The following SLC9C2 variants were observed in gnomAD, a reference collection of about 807,000 sequenced individuals.
The protein encoded by SLC9C2 is sodium/hydrogen exchanger 11.
SLC9C2 carries 75 observed loss-of-function variants against 140.2 expected under a neutral mutation model. That is an observed-to-expected ratio of 0.53 (90% CI 0.44 to 0.65). The LOEUF (loss-of-function observed/expected upper bound fraction) is 0.65. Ranked by LOEUF, SLC9C2 falls within the 30% of genes least tolerant of loss-of-function variation. The pLI is 0.00. For synonymous variants in SLC9C2, 375 were observed against 420.9 expected (o/e 0.89, Z 1.34); for missense variants, 1,074 against 1,331.8 (o/e 0.81, Z 3.01).
rs536983712 is a variant in SLC9C2 at position 173,530,073 on chromosome 1, G to GA, written c.2164-20dup. On this transcript the variant is annotated intron_variant, in intron 17 of 27. Coordinates refer to ENST00000367714, the MANE Select transcript of SLC9C2 (RefSeq NM_178527.4). ...CTATTATCTGGAATAATGAGAAGAA[G>GA]AAAAAAAAACCTGTACATTTGATGA... 975 of 1,540,368 alleles carry GA rather than the reference G, an allele frequency of 6.3e-4. 1 individual carries two copies. Among genetic ancestry groups the GA allele is most frequent in the Admixed American group, 2.9e-3 (131 of 45,100 alleles).
intron 4 of SLC9C2, among the ~76,000 whole-genome samples, chr1:173,591,742 T>A (rs1406390194): frequency 3.9e-5 from 6 of 152,218 alleles, no homozygotes; most frequent in African/African-American, 1.4e-4. Flanking sequence ...TAAATTTGTC[T>A]AAATTCCTTA....
intron 11 of SLC9C2, among the ~76,000 whole-genome samples, chr1:173,548,933 G>A (rs1457694341): frequency 1.3e-5 from 2 of 152,090 alleles, no homozygotes; most frequent in Non-Finnish European, 2.9e-5. Flanking sequence ...AATCAGATTG[G>A]CTTGAAAATT....
At chr1:173,530,973 A>G (rs1661535612) in intron 17 of SLC9C2, among the ~76,000 whole-genome samples, 1 of 152,190 alleles carries the variant, frequency 6.6e-6, no homozygotes, top group African/African-American at 2.4e-5. Flanking sequence ...GGATTTTTTC[A>G]AAGTTACACT....
In SLC9C2 at chr1:173,526,669, C is replaced by T; in HGVS notation, c.2359G>A (p.Glu787Lys). The T allele has an allele frequency of 1.9e-6, 3 of 1,594,194 alleles. No homozygotes were observed. The highest frequency in any genetic ancestry group is 2.6e-6 in the Non-Finnish European group (3 of 1,174,894). The change falls in exon 19 of 28, where the codon GAA (glutamate) becomes AAA (lysine). Residue 787 changes from glutamate (E) to lysine (K), a missense_variant. By Grantham distance (56) the Glu-to-Lys change is moderately conservative (BLOSUM62 1). Transcript: ENST00000367714. ...AGATACTTCAACTACCTACCTAATT[C>T]TTTGACAGCATCCTGTTTGTTGGTT... ...LETNKQDAVK[E>K]LVLMEHEGRD...
At chr1:173,576,586 A>T in intron 8 of SLC9C2, 75 bp downstream of exon 8, 1 of 814,880 alleles carries the variant, frequency 1.2e-6, no homozygotes, top group Non-Finnish European at 2.0e-6. Context: ...GAGTTTTACT[A>T]GTGTCCATGA....
rs372051858 is a variant in SLC9C2, at chr1:173,506,880, G to A, written c.3201C>T (p.Cys1067=). Residue 1067 remains cysteine, a synonymous_variant, in exon 25 of 28, where the codon TGC becomes TGT. Transcript: ENST00000367714. ...CCTGCTCACAGGTTGTAGGTATAAT[G>A]CAAGGTGCAAAATATGGTTCCTCTG... ...TKTEEPYFAP[C]IIPTTCEQVQ... 163 of 1,613,278 alleles carry A rather than the reference G, an allele frequency of 1.0e-4. No individual in the cohort carries two copies. The highest frequency in any genetic ancestry group is 6.6e-4 in the Middle Eastern group (4 of 6,082).
At chr1:173,520,633 G>A (rs774237716) in intron 22 of SLC9C2, among the ~76,000 whole-genome samples, 1 of 152,180 alleles carries the variant, frequency 6.6e-6, no homozygotes, top group Non-Finnish European at 1.5e-5. Flanking sequence ...GCTTAGAATA[G>A]TGCCAGATAG....
intron 8 of SLC9C2, among the ~76,000 whole-genome samples, chr1:173,575,012 T>G (rs895267534): frequency 2.0e-5 from 3 of 151,926 alleles, no homozygotes; most frequent in Non-Finnish European, 4.4e-5. Context: ...CCCAGCTACT[T>G]GAGAGGCTGA....
chr1:173,575,549 A>T (rs1227181753), intron 8 of SLC9C2, among the ~76,000 whole-genome samples: 1 of 152,022 alleles, frequency 6.6e-6, no homozygotes, highest in Non-Finnish European at 1.5e-5. Context: ...TTAGGTGCCC[A>T]TGTTTTTTGT....
At position 173,567,125 on chromosome 1, in the gene SLC9C2, G is replaced by T. The variant is rs192015271; in HGVS notation, c.1046+6057C>A. 9.9e-5 allele frequency among the ~76,000 whole-genome samples: 15 copies of T among 152,180 alleles called. No individual in the cohort carries two copies. The East Asian group carries it at 2.9e-3, about 29-fold the overall frequency. ...TTCAGAATGATCCATGTGCTGAGGA[G>T]AAAAATGTGTATTCTGCAGCTCTTG... On this transcript the variant is annotated intron_variant, in intron 9 of 27. Transcript: ENST00000367714.
chr1:173,522,072 C>CA (rs1243589144), intron 21 of SLC9C2, among the ~76,000 whole-genome samples: 1 of 151,820 alleles, frequency 6.6e-6, no homozygotes, highest in African/African-American at 2.4e-5. Flanking sequence ...ACTAACAATA[C>CA]AAAAAATTAG....
At chr1:173,522,729 C>T (rs192020087) in intron 21 of SLC9C2, among the ~76,000 whole-genome samples, 66 of 152,270 alleles carry the variant, frequency 4.3e-4, no homozygotes, top group Non-Finnish European at 2.8e-4. Flanking sequence ...GTTCTTCGGG[C>T]CCTCTGCAAC....
chr1:173,505,413 T>A, intron 25 of SLC9C2, 82 bp from the exon 26 acceptor site: 1 of 1,090,270 alleles, frequency 9.2e-7, no homozygotes, highest in Non-Finnish European at 1.4e-6. Context: ...CCAAAGAGTA[T>A]AAAAAATAAG....
chr1:173,528,648 A>G (rs1375534614), intron 18 of SLC9C2, among the ~76,000 whole-genome samples: 1 of 152,190 alleles, frequency 6.6e-6, no homozygotes, highest in Non-Finnish European at 1.5e-5. Flanking sequence ...GACTGAGGTA[A>G]CGTAACCGTC....
Position 173,534,679 on chromosome 1 carries a change from A to T in SLC9C2, c.1779T>A (p.Ser593Arg). Residue 593 changes from serine (S) to arginine (R), a missense_variant, in exon 16 of 28, where the codon AGT (serine) becomes AGA (arginine). Coordinates refer to ENST00000367714, the MANE Select transcript of SLC9C2 (RefSeq NM_178527.4). The part of the protein sequence containing the change: ...IEKIHFIPPE[S>R]NTFLTFIFHI... ...GAAATATAAAAGTCAGAAATGTATT[A>T]CTCCTGAAAAGAGATCAAATAAAAT... The T allele has an allele frequency of 6.7e-7, 1 of 1,487,868 alleles. No individual in the cohort carries two copies. The allele number at this position is 1,487,868 out of a possible 1,614,324, so 92.2% of individuals were successfully genotyped here.
intron 5 of SLC9C2, among the ~76,000 whole-genome samples, chr1:173,584,942 T>G (rs565106674): frequency 1.3e-5 from 2 of 152,160 alleles, no homozygotes; most frequent in Non-Finnish European, 2.9e-5. Flanking sequence ...TAATTTATAT[T>G]AGTCCACAAT....
chr1:173,503,808 A>ATTTGT (rs2101881144), intron 26 of SLC9C2, among the ~76,000 whole-genome samples: 1 of 152,342 alleles, frequency 6.6e-6, no homozygotes, highest in East Asian at 1.9e-4. Flanking sequence ...TCTTAAACAA[A>ATTTGT]TTAAGAGTCA....
chr1:173,592,645 G>T (rs180759650), intron 4 of SLC9C2, among the ~76,000 whole-genome samples: 38 of 152,196 alleles, frequency 2.5e-4, no homozygotes, highest in Admixed American at 2.1e-3. Flanking sequence ...TTCCTAATTT[G>T]GCTCTCAGCT....
chr1:173,524,873 G>A lies in SLC9C2; in HGVS notation c.2420C>T (p.Ala807Val). 1 of 1,614,074 alleles carries A rather than the reference G, an allele frequency of 6.2e-7. No individual in the cohort carries two copies. Among genetic ancestry groups the A allele is most frequent in the Non-Finnish European group, 8.5e-7 (1 of 1,179,960 alleles). The change falls in exon 20 of 28, where the codon GCA (alanine) becomes GTA (valine). Residue 807 changes from alanine (A) to valine (V), a missense_variant. Coordinates refer to ENST00000367714, the MANE Select transcript of SLC9C2 (RefSeq NM_178527.4). ...DVVIALKTKQ[A>V]IRNVIAKALK... Reference sequence around the variant, plus strand: ...AGCTTTAGCAATCACATTCCGGATTGCCTGTTTAGTCTTCAAAGCAATGAC... The same window carrying A: ...AGCTTTAGCAATCACATTCCGGATTACCTGTTTAGTCTTCAAAGCAATGAC...
Sources: allele counts gnomAD v4.1 joint callset (sites outside exome capture counted in the v4.1 genomes callset), GRCh38; gene constraint gnomAD v4.1.1; transcripts MANE v1.5; gene names NCBI Gene and HGNC (gene_info 2026-07-23, HGNC 2026-07-21).